Variants in ORC4 observed in about 807,000 individuals in gnomAD.
The protein encoded by ORC4 is origin recognition complex, subunit 4 homolog.
Under a neutral mutation model 63.9 loss-of-function variants are expected in ORC4, and 55 were observed. That is an observed-to-expected ratio of 0.86 (90% CI 0.69 to 1.08). ORC4 has a LOEUF of 1.08. Among genes scored for constraint, ORC4 ranks in the 50% least tolerant of loss-of-function variants. The pLI, the probability that ORC4 is intolerant of heterozygous loss-of-function variation, is 0.00. For synonymous variants in ORC4, 150 were observed against 168.5 expected, an observed-to-expected ratio of 0.89 and a Z score of 0.85; for missense variants, 511 against 504.4, an observed-to-expected ratio of 1.01 and a Z score of -0.13.
Position 148,007,145 on chromosome 2 carries a change from C to G in ORC4, c.-18+13488G>C, listed in dbSNP as rs146449715. 2.0e-4 allele frequency among the ~76,000 whole-genome samples: 30 copies of G among 152,224 alleles called. 1 individual carries two copies. In the East Asian group the frequency reaches 5.6e-3, roughly 28 times the overall value. Reference sequence around the variant, plus strand: ...ATCTGCTTTGATTTCCTGGAAAGCCCCCTGGAGAGTGACAGGAATGAACAA... The same window carrying G: ...ATCTGCTTTGATTTCCTGGAAAGCCGCCTGGAGAGTGACAGGAATGAACAA... On this transcript the variant is annotated intron_variant, in intron 1 of 13. Transcript: ENST00000392857.
In ORC4 at chr2:147,939,239, A is replaced by G; in HGVS notation, c.859T>C (p.Leu287=). 3.1e-6 allele frequency: 5 copies of G among 1,608,552 alleles called. No homozygotes were observed. Among genetic ancestry groups the G allele is most frequent in the Non-Finnish European group, 4.3e-6 (5 of 1,175,098 alleles). Residue 287 remains leucine, a synonymous_variant, in exon 11 of 14, where the codon TTA becomes CTA. Transcript: ENST00000392857. The stretch of plus-strand genomic sequence containing the variant: ...GGGTGCGATGCTGTTACTCGATTTA[A>G]AGCAAGCATCTAGGGAAAGACAGAT... ...RSLHMLLMLA[L]NRVTASHPFM... is the part of the protein sequence containing the mutation.
At chr2:148,009,459 A>AT in intron 1 of ORC4, among the ~76,000 whole-genome samples, 1 of 152,318 alleles carries the variant, frequency 6.6e-6, no homozygotes, top group Non-Finnish European at 1.5e-5. Flanking sequence ...AGATTTCAAC[A>AT]TAAAAACTAT....
intron 1 of ORC4, among the ~76,000 whole-genome samples, chr2:147,986,932 GA>G (rs902710831): frequency 1.2e-4 from 18 of 151,080 alleles, no homozygotes; most frequent in Admixed American, 2.6e-4. Flanking sequence ...ACAAAAAAAT[GA>G]AAAAAAAGTG....
intron 1 of ORC4, among the ~76,000 whole-genome samples, chr2:147,976,651 C>T (rs1690574866): frequency 6.6e-6 from 1 of 152,066 alleles, no homozygotes; most frequent in Non-Finnish European, 1.5e-5. Context: ...GAAAACCTTC[C>T]CTTTCTTGCT....
chr2:147,948,667 C>T (rs563925499), intron 8 of ORC4, among the ~76,000 whole-genome samples: 33 of 148,884 alleles, frequency 2.2e-4, no homozygotes, highest in African/African-American at 7.1e-4. Context: ...AGTTATCTTC[C>T]GGCTTTTTTT....
intron 9 of ORC4, among the ~76,000 whole-genome samples, chr2:147,945,473 ATACTC>A (rs1205676184): frequency 1.3e-5 from 2 of 152,118 alleles, no homozygotes; most frequent in East Asian, 3.9e-4. Flanking sequence ...TTCAAACACT[ATACTC>A]TATTTGAGGA....
chr2:147,993,713 T>C (rs774619366), intron 1 of ORC4, among the ~76,000 whole-genome samples: 24 of 151,944 alleles, frequency 1.6e-4, no homozygotes, highest in Admixed American at 3.3e-4. Flanking sequence ...AGCTAAAAAT[T>C]AGGGGGTTGG....
intron 1 of ORC4, among the ~76,000 whole-genome samples, chr2:147,979,504 C>G (rs1484447981): frequency 1.3e-5 from 2 of 151,964 alleles, no homozygotes; most frequent in African/African-American, 4.8e-5. Context: ...ATTAAAATGT[C>G]CCTACTACTG....
intron 1 of ORC4, among the ~76,000 whole-genome samples, chr2:147,993,266 C>T (rs546728031): frequency 7.9e-5 from 12 of 152,214 alleles, no homozygotes; most frequent in Non-Finnish European, 1.5e-4. Context: ...TTTCAAAGAA[C>T]CTTCAGAGGC....
rs1023249140 is a variant in ORC4 at position 147,985,360 on chromosome 2, C to T, written c.-17-9385G>A. On this transcript the variant is annotated intron_variant, in intron 1 of 13. Coordinates refer to ENST00000392857, the MANE Select transcript of ORC4 (RefSeq NM_181741.4). Reference sequence around the variant, plus strand: ...TACAGGCGCCTGCCACCATGCCCGGCTAATTTTTTGTATTTTTAGTAGAGA... The same window carrying T: ...TACAGGCGCCTGCCACCATGCCCGGTTAATTTTTTGTATTTTTAGTAGAGA... 2.6e-5 allele frequency among the ~76,000 whole-genome samples: 4 copies of T among 152,074 alleles called. No homozygotes were observed. The East Asian group carries it at 7.7e-4, about 29-fold the overall frequency.
chr2:147,994,469 C>A (rs1352774264), intron 1 of ORC4, among the ~76,000 whole-genome samples: 1 of 152,124 alleles, frequency 6.6e-6, no homozygotes, highest in Non-Finnish European at 1.5e-5. Flanking sequence ...CTAATCAATA[C>A]AGTGTGATAA....
intron 8 of ORC4, among the ~76,000 whole-genome samples, chr2:147,949,000 T>TTATATATAA: frequency 6.8e-6 from 1 of 147,966 alleles, no homozygotes; most frequent in East Asian, 1.9e-4. Context: ...ACACAGCATA[T>TTATATATAA]TATATATAAT....
At chr2:148,011,304 T>C (rs12997165) in intron 1 of ORC4, among the ~76,000 whole-genome samples, 50,243 of 152,116 alleles carry the variant, frequency 0.33, 8,560 homozygotes, top group East Asian at 0.52. Context: ...CCCAGGGATG[T>C]AAGGATGGTT....
chr2:147,947,889 TAAG>T, intron 9 of ORC4, 159 bp downstream of exon 9: 2 of 581,028 alleles, frequency 3.4e-6, no homozygotes, highest in Admixed American at 3.0e-5. Context: ...TTCAACTGTC[TAAG>T]AAGAAAATTT....
At chr2:147,993,549 C>G (rs766635805) in intron 1 of ORC4, among the ~76,000 whole-genome samples, 3 of 152,106 alleles carry the variant, frequency 2.0e-5, no homozygotes, top group Non-Finnish European at 4.4e-5. Flanking sequence ...GTCAACGAAA[C>G]GATATTCTCC....
intron 8 of ORC4, among the ~76,000 whole-genome samples, chr2:147,951,296 T>C (rs1401399237): frequency 1.3e-5 from 2 of 152,156 alleles, no homozygotes; most frequent in African/African-American, 2.4e-5. Context: ...TATGGAGGCA[T>C]GGCAGTCATA....
intron 4 of ORC4, among the ~76,000 whole-genome samples, chr2:147,965,907 C>T (rs1190532921): frequency 2.0e-5 from 3 of 151,932 alleles, no homozygotes; most frequent in East Asian, 1.9e-4. Flanking sequence ...AACTAGATAT[C>T]GATAATAAAA....
rs1423739216 is a variant in ORC4, at chr2:147,938,185, T to C, written c.1083A>G (p.Ala361=). The C allele has an allele frequency of 1.2e-6, 2 of 1,612,704 alleles. No homozygotes were observed. Among genetic ancestry groups the C allele is most frequent in the East Asian group, 4.5e-5 (2 of 44,714 alleles). ...NEFQKFVQRK[A]HSVYNFEKPV... ...GTTTTTCAAAATTATAAACGGAATG[T>C]GCTTTCCTTTGAACAAACTTCTGAA... The change falls in exon 13 of 14, where the codon GCA becomes GCG. Residue 361 remains alanine (A), a synonymous_variant. Transcript: ENST00000392857.
In ORC4 at chr2:147,973,492, A is replaced by T. The variant is rs1346079592; in HGVS notation, c.90T>A (p.Arg30=). 4 of 1,605,586 alleles carry T rather than the reference A, an allele frequency of 2.5e-6. No homozygotes were observed. The highest frequency in any genetic ancestry group is 3.4e-6 in the Non-Finnish European group (4 of 1,173,042). The change falls in exon 3 of 14, where the codon CGT becomes CGA. Residue 30 remains arginine (R), a synonymous_variant. Transcript: ENST00000392857. ...VQRILRERFC[R]QSPHSNLFGV... is the part of the protein sequence containing the mutation. ...CAAATAGGTTACTATGTGGACTCTG[A>T]CGACAAAATCTTTCACGTAAAATTC...
Sources: gnomAD v4.1 joint callset for allele counts (sites outside exome capture counted in the v4.1 genomes callset) on GRCh38, gnomAD v4.1.1 for gene constraint, MANE v1.5 for transcripts, NCBI Gene and HGNC (gene_info 2026-07-23, HGNC 2026-07-21) for gene names.